LRRD1: variants seen among roughly 807,000 people sequenced by gnomAD.
The protein encoded by LRRD1 is leucine rich repeats and death domain containing 1.
LRRD1 carries 49 observed loss-of-function variants against 69.5 expected under a neutral mutation model. The observed-to-expected ratio is 0.70, with a 90% confidence interval of 0.56 to 0.89. The LOEUF is 0.89. Among genes scored for constraint, LRRD1 ranks in the 40% least tolerant of loss-of-function variants. LRRD1 has a pLI of 0.00. For synonymous variants in LRRD1, 303 were observed against 338.9 expected, an observed-to-expected ratio of 0.89 and a Z score of 1.16; for missense variants, 853 against 956.0, an observed-to-expected ratio of 0.89 and a Z score of 1.42.
downstream of LRRD1, chr7:92,143,056 A>G (rs1408861940): frequency 9.9e-6 from 2 of 202,954 alleles, no homozygotes; most frequent in Admixed American, 1.1e-4. Flanking sequence ...CTATTTTGAC[A>G]GGGCGCTGAT....
At chr7:92,161,496 C>A (rs1788794891) in intron 2 of LRRD1, among the ~76,000 whole-genome samples, 1 of 152,226 alleles carries the variant, frequency 6.6e-6, no homozygotes, top group Non-Finnish European at 1.5e-5. Flanking sequence ...TGAAGTCTGA[C>A]AACTTTGATA....
intron 3 of LRRD1, 101 bp downstream of exon 3, chr7:92,158,904 T>C (rs908273385): frequency 5.6e-6 from 5 of 886,668 alleles, no homozygotes; most frequent in Non-Finnish European, 8.5e-6. Flanking sequence ...TAATACCTTA[T>C]GTTGACTCTT....
intron 1 of LRRD1, among the ~76,000 whole-genome samples, chr7:92,166,851 T>C (rs1002819635): frequency 1.3e-5 from 2 of 152,120 alleles, no homozygotes; most frequent in Non-Finnish European, 2.9e-5. Flanking sequence ...ACTTTTGAGA[T>C]TGGAAGCTAG....
intron 1 of LRRD1, among the ~76,000 whole-genome samples, chr7:92,171,140 G>A (rs753240388): frequency 6.6e-6 from 1 of 151,376 alleles, no homozygotes; most frequent in East Asian, 1.9e-4. Context: ...AAATAGAAAA[G>A]GAAGAACAAA....
rs1172985150 is a variant in LRRD1 at position 92,174,088 on chromosome 7, TATC to T, written c.-75+4916_-75+4918del. ...AATAAGCCAAGCACAAAAAGATAAA[TATC>T]ATATGTTCTCACTCATATGTGGGAG... On this transcript the variant is annotated intron_variant, in intron 1 of 5. Transcript: ENST00000458448. 4.6e-5 allele frequency among the ~76,000 whole-genome samples: 7 copies of T among 152,038 alleles called. No homozygotes were observed. The East Asian group carries it at 1.3e-3, about 29-fold the overall frequency.
chr7:92,148,528 G>T (rs1026228077), intron 4 of LRRD1, among the ~76,000 whole-genome samples: 2 of 151,722 alleles, frequency 1.3e-5, no homozygotes, highest in African/African-American at 4.8e-5. Flanking sequence ...TAAGAAAAAG[G>T]CTCCATTTGT....
chr7:92,172,327 T>C (rs934464538), intron 1 of LRRD1, among the ~76,000 whole-genome samples: 1 of 152,150 alleles, frequency 6.6e-6, no homozygotes, highest in Middle Eastern at 3.2e-3. Flanking sequence ...AACATAATGC[T>C]GGAAGTCCTG....
At chr7:92,146,709 T>C (rs1482989269) in intron 4 of LRRD1, among the ~76,000 whole-genome samples, 1 of 150,914 alleles carries the variant, frequency 6.6e-6, no homozygotes, top group Non-Finnish European at 1.5e-5. Context: ...TCACCTGAGG[T>C]CGGGAGTTCG....
At chr7:92,161,592 C>T (rs1200836397) in intron 2 of LRRD1, among the ~76,000 whole-genome samples, 1 of 152,088 alleles carries the variant, frequency 6.6e-6, no homozygotes, top group African/African-American at 2.4e-5. Flanking sequence ...GACAGTGACA[C>T]TGGAAAATGA....
intron 1 of LRRD1, among the ~76,000 whole-genome samples, chr7:92,175,063 CTCAAAA>C (rs1789162306): frequency 6.6e-6 from 1 of 151,792 alleles, no homozygotes; most frequent in Non-Finnish European, 1.5e-5. Flanking sequence ...GAAATTCCAT[CTCAAAA>C]ACAAAAACAA....
At chr7:92,166,477 A>G (rs1212077715) in intron 1 of LRRD1, among the ~76,000 whole-genome samples, 1 of 152,210 alleles carries the variant, frequency 6.6e-6, no homozygotes, top group African/African-American at 2.4e-5. Context: ...GGACAATATG[A>G]AAAAGAAAAT....
At chr7:92,143,170 A>G (rs1183710712), downstream of LRRD1, among the ~76,000 whole-genome samples, 1 of 152,156 alleles carries the variant, frequency 6.6e-6, no homozygotes, top group Non-Finnish European at 1.5e-5. Flanking sequence ...CCTGAGCTAG[A>G]CACAGGGTGC....
chr7:92,147,429 A>G (rs1054535176), intron 4 of LRRD1, among the ~76,000 whole-genome samples: 1 of 152,086 alleles, frequency 6.6e-6, no homozygotes, highest in East Asian at 1.9e-4. Flanking sequence ...TTTGAAATGC[A>G]TTTGACTGCT....
intron 4 of LRRD1, among the ~76,000 whole-genome samples, chr7:92,147,833 G>A (rs938942367): frequency 6.6e-6 from 1 of 152,062 alleles, no homozygotes; most frequent in Non-Finnish European, 1.5e-5. Flanking sequence ...CCAGGCTCAA[G>A]CGACTCTCCC....
At chr7:92,152,129 A>G (rs954176332) in intron 3 of LRRD1, among the ~76,000 whole-genome samples, 4 of 105,060 alleles carry the variant, frequency 3.8e-5, no homozygotes, top group African/African-American at 1.7e-4. Context: ...TCTGGATACG[A>G]TGCTTCTGGG....
chr7:92,142,992 C>G (rs1820203224), downstream of LRRD1: 1 of 252,670 alleles, frequency 4.0e-6, no homozygotes, highest in Admixed American at 5.0e-5. Context: ...ATTCTCTTAT[C>G]TGGCCCCACC....
intron 1 of LRRD1, among the ~76,000 whole-genome samples, chr7:92,174,363 G>T (rs932816313): frequency 6.7e-6 from 1 of 149,768 alleles, no homozygotes; most frequent in African/African-American, 2.5e-5. Flanking sequence ...AAATATTTAT[G>T]TTTATGGCTA....
Position 92,164,804 on chromosome 7 carries a change from A to G in LRRD1, c.399T>C (p.Asn133=). The change falls in exon 2 of 6, where the codon AAT becomes AAC. Residue 133 remains asparagine (N), a synonymous_variant. Transcript: ENST00000458448. ...GEVSPQVSEE[N]QKQLGLGADN... is the part of the protein sequence containing the mutation. The stretch of plus-strand genomic sequence containing the variant: ...CTGCCCCTAGGCCAAGTTGTTTCTG[A>G]TTTTCTTCAGAGACTTGTGGACTAA... The G allele has an allele frequency of 1.9e-6, 3 of 1,551,502 alleles. No individual in the cohort carries two copies. The Admixed American group carries it at 5.9e-5, about 30-fold the overall frequency.
chr7:92,169,256 C>T (rs1788994604), intron 1 of LRRD1, among the ~76,000 whole-genome samples: 1 of 151,620 alleles, frequency 6.6e-6, no homozygotes, highest in South Asian at 2.1e-4. Flanking sequence ...AAATAACACA[C>T]ACAAAAAAAC....
Sources: gnomAD v4.1 joint callset for allele counts (sites outside exome capture counted in the v4.1 genomes callset) on GRCh38, gnomAD v4.1.1 for gene constraint, MANE v1.5 for transcripts, NCBI Gene and HGNC (gene_info 2026-07-23, HGNC 2026-07-21) for gene names.